The following KIF6 variants were observed in gnomAD, a reference collection of about 807,000 sequenced individuals.
KIF6 encodes kinesin-like protein KIF6.
KIF6 carries 106 observed loss-of-function variants against 112.7 expected under a neutral mutation model. The observed-to-expected ratio is 0.94, with a 90% CI of 0.80 to 1.11. The LOEUF (loss-of-function observed/expected upper bound fraction) is 1.11. Among genes scored for constraint, KIF6 ranks in the 50% least tolerant of loss-of-function variants. KIF6 has a pLI of 0.00. For missense variants in KIF6, 929 were observed against 964.0 expected (o/e 0.96, Z 0.48); for synonymous variants, 339 against 339.9 (o/e 1.00, Z 0.03).
chr6:39,678,243 G>A (rs575082312), intron 3 of KIF6, among the ~76,000 whole-genome samples: 33 of 152,044 alleles, frequency 2.2e-4, no homozygotes, highest in Admixed American at 1.9e-3. Flanking sequence ...AGTCAGTGTG[G>A]CGATTCCTCA....
chr6:39,634,138 A>T (rs936095348), intron 5 of KIF6, among the ~76,000 whole-genome samples: 2 of 152,148 alleles, frequency 1.3e-5, no homozygotes, highest in African/African-American at 4.8e-5. Context: ...TAGAGTATTT[A>T]ATAAGAATAT....
At chr6:39,528,641 T>G (rs116399687) in intron 13 of KIF6, among the ~76,000 whole-genome samples, 3,352 of 152,324 alleles carry the variant, frequency 0.022, 64 homozygotes, top group Middle Eastern at 0.044. Flanking sequence ...ACTTGTCATC[T>G]CTTGTCTTTT....
intron 10 of KIF6, among the ~76,000 whole-genome samples, chr6:39,575,428 A>G (rs923079811): frequency 1.5e-4 from 22 of 150,982 alleles, no homozygotes; most frequent in South Asian, 4.2e-4. Context: ...CCGCCACCAC[A>G]CCCGGCTAAT....
intron 13 of KIF6, among the ~76,000 whole-genome samples, chr6:39,482,671 T>G (rs1408014230): frequency 1.3e-5 from 2 of 152,214 alleles, no homozygotes; most frequent in Non-Finnish European, 2.9e-5. Flanking sequence ...AATACATAAT[T>G]TGATGTTAGC....
intron 12 of KIF6, 198 bp downstream of exon 12, chr6:39,544,357 C>T: frequency 2.3e-6 from 1 of 435,704 alleles, no homozygotes. Context: ...TAAAAACAAA[C>T]ACATTTTTTT....
At chr6:39,480,322 G>A (rs1163992460) in intron 13 of KIF6, among the ~76,000 whole-genome samples, 2 of 152,106 alleles carry the variant, frequency 1.3e-5, no homozygotes, top group Non-Finnish European at 2.9e-5. Flanking sequence ...TGGGATTTTT[G>A]TTTTTAATTC....
chr6:39,468,808 T>C (rs1773952288), intron 13 of KIF6, among the ~76,000 whole-genome samples: 1 of 152,014 alleles, frequency 6.6e-6, no homozygotes, highest in Non-Finnish European at 1.5e-5. Context: ...ATATAGGTAA[T>C]TATAAAGGAT....
chr6:39,461,281 T>C (rs996861147), intron 13 of KIF6, among the ~76,000 whole-genome samples: 1 of 152,160 alleles, frequency 6.6e-6, no homozygotes, highest in Non-Finnish European at 1.5e-5. Flanking sequence ...ATGACTATTA[T>C]AGACCTACGA....
rs115479291 is a variant in KIF6 at position 39,528,320 on chromosome 6, G to A, written c.1645+11683C>T. Among the ~76,000 whole-genome samples the A allele has an allele frequency of 6.7e-3, 1,020 of 152,216 alleles. 8 individuals carry two copies. Among genetic ancestry groups the A allele is most frequent in the African/African-American group, 0.017 (703 of 41,554 alleles). ...TTCCTTTTAAAGGTTGAACAGTATC[G>A]CATTGTGTATCTGTACCACATTTTC... is the stretch of plus-strand genomic sequence containing the variant. On this transcript the variant is annotated intron_variant, in intron 13 of 22. Transcript: ENST00000287152.
At chr6:39,601,685 C>T (rs1782578550) in intron 6 of KIF6, among the ~76,000 whole-genome samples, 1 of 149,294 alleles carries the variant, frequency 6.7e-6, no homozygotes, top group Non-Finnish European at 1.5e-5. Flanking sequence ...TTGCTCCAGC[C>T]CTTACATGCT....
At chr6:39,553,556 A>G (rs1033968925) in intron 10 of KIF6, among the ~76,000 whole-genome samples, 2 of 152,210 alleles carry the variant, frequency 1.3e-5, no homozygotes, top group South Asian at 4.1e-4. Flanking sequence ...AACTATTTTG[A>G]AATAATTTTT....
chr6:39,603,518 A>AT (rs1428371547), intron 6 of KIF6, among the ~76,000 whole-genome samples: 1 of 151,516 alleles, frequency 6.6e-6, no homozygotes, highest in Non-Finnish European at 1.5e-5. Context: ...TTGAAAATAA[A>AT]TGGTGATGCA....
intron 13 of KIF6, among the ~76,000 whole-genome samples, chr6:39,447,761 A>G (rs192673576): frequency 3.9e-4 from 60 of 152,254 alleles, no homozygotes; most frequent in African/African-American, 9.9e-4. Flanking sequence ...AGCTGTCTAC[A>G]TTCACCTCTC....
intron 3 of KIF6, among the ~76,000 whole-genome samples, chr6:39,693,797 G>A (rs555846679): frequency 6.6e-6 from 1 of 152,086 alleles, no homozygotes; most frequent in East Asian, 1.9e-4. Flanking sequence ...GAGGAGGAAT[G>A]ACTCCTTCCT....
chr6:39,344,082 C>T (rs1208407484), intron 21 of KIF6, among the ~76,000 whole-genome samples: 2 of 152,114 alleles, frequency 1.3e-5, no homozygotes, highest in African/African-American at 4.8e-5. Context: ...AACTGTAGCT[C>T]CCATAATTTC....
chr6:39,706,395 G>A (rs1789212137), intron 3 of KIF6, among the ~76,000 whole-genome samples: 1 of 152,150 alleles, frequency 6.6e-6, no homozygotes, highest in Non-Finnish European at 1.5e-5. Context: ...ACATTCAACA[G>A]CTGTAGGTAG....
chr6:39,362,480 G>A lies in KIF6; in HGVS notation c.1900C>T (p.Gln634Ter), dbSNP rs549743672. ...TGTGATCGCAGCTTCTCCTCCTGCT[G>A]GTCTGGCATCAGAGGCACGGCCATG... ...ENMAVPLMPDQQEEKLRSQLE... is the reference protein window; with the variant it reads ...ENMAVPLMPD Residue 634 changes from glutamine to a stop codon, truncating the protein, a stop_gained, in exon 17 of 23, where the codon CAG becomes TAG. Transcript: ENST00000287152. LOFTEE classifies it high-confidence loss of function. 6.2e-7 allele frequency: 1 copy of A among 1,614,138 alleles called. No homozygotes were observed. The highest frequency in any genetic ancestry group is 1.1e-5 in the South Asian group (1 of 91,074).
At chr6:39,544,394 T>C (rs1005189244) in intron 12 of KIF6, 161 bp downstream of exon 12, 2 of 545,966 alleles carry the variant, frequency 3.7e-6, no homozygotes, top group Non-Finnish European at 6.0e-6. Flanking sequence ...TTTTCACTGG[T>C]TGCAATACTT....
At chr6:39,572,846 CATA>C in intron 10 of KIF6, among the ~76,000 whole-genome samples, 1 of 150,740 alleles carries the variant, frequency 6.6e-6, no homozygotes, top group East Asian at 2.0e-4. Flanking sequence ...CTAAAAATAT[CATA>C]ATAACTGGAG....
Sources: gnomAD v4.1 joint callset for allele counts (sites outside exome capture counted in the v4.1 genomes callset) on GRCh38, gnomAD v4.1.1 for gene constraint, MANE v1.5 for transcripts, NCBI Gene and HGNC (gene_info 2026-07-23, HGNC 2026-07-21) for gene names.